The following OR1D5 variants were observed in gnomAD, a reference collection of about 807,000 sequenced individuals.
OR1D5 encodes the protein olfactory receptor family 1 subfamily D member 5, also known as olfactory receptor 1D5.
For synonymous variants in OR1D5, 56 were observed against 159.1 expected (o/e 0.35, Z 4.88); for missense variants, 159 against 381.5 (o/e 0.42, Z 4.86).
rs553984794 is a variant in OR1D5 at position 3,062,801 on chromosome 17, C to A, written c.807G>T (p.Lys269Asn). The A allele has an allele frequency of 2.7e-5, 44 of 1,614,070 alleles. No homozygotes were observed. The South Asian group carries it at 3.8e-4, about 14-fold the overall frequency. The change falls in exon 1 of 1, where the codon AAG becomes AAT. Residue 269 changes from lysine to asparagine, a missense_variant. Coordinates refer to ENST00000575751, the MANE Select transcript of OR1D5 (RefSeq NM_014566.1). ...CATACATCACTGTGGCTACTGAGTC[C>A]TTCATGGAGTAGGTATGGAGGGGCT... The part of the protein sequence containing the change: ...YLQPLHTYSM[K>N]DSVATVMYAV...
chr17:3,063,171 G>A lies in OR1D5; in HGVS notation c.437C>T (p.Ser146Phe). Residue 146 changes from serine to phenylalanine, a missense_variant, in exon 1 of 1, where the codon TCC becomes TTC. Ser to Phe is a radical substitution (Grantham distance 155, BLOSUM62 -2). Transcript: ENST00000575751. The stretch of plus-strand genomic sequence containing the variant: ...GAGAACAGACAGCCCCCAACACAAG[G>A]AGAGGAGCAAGACACAGAGCCCAGG... Reference protein sequence around the residue: ...MSPGLCVLLLSLCWGLSVLYG... With the variant: ...MSPGLCVLLLFLCWGLSVLYG... 2 of 1,612,306 alleles carry A rather than the reference G, an allele frequency of 1.2e-6. No individual in the cohort carries two copies. The highest frequency in any genetic ancestry group is 1.7e-6 in the Non-Finnish European group (2 of 1,179,306).
chr17:3,063,100 C>A lies in OR1D5; in HGVS notation c.508G>T (p.Gly170Trp), dbSNP rs369133653. 3.1e-6 allele frequency: 5 copies of A among 1,613,364 alleles called. No individual in the cohort carries two copies. The highest frequency in any genetic ancestry group is 4.2e-6 in the Non-Finnish European group (5 of 1,179,750). ...TFLLTRVTFC[G>W]PREIHYLFCD... ...AAGAGGTAGTGGATCTCTCGAGGCC[C>A]ACAGAAGGTCACCCTGGTCAGGAGG... The change falls in exon 1 of 1, where the codon GGG becomes TGG. Residue 170 changes from glycine to tryptophan, a missense_variant. Coordinates refer to ENST00000575751, the MANE Select transcript of OR1D5 (RefSeq NM_014566.1).
Position 3,063,266 on chromosome 17 carries a change from G to A in OR1D5, c.342C>T (p.Ile114=), listed in dbSNP as rs1201934814. The part of the protein sequence containing the change: ...LVSLVTLDNL[I]LAVMAYDRYV... ...AGCGATCATACGCCATCACGGCCAG[G>A]ATGAGGTTGTCCAGGGTCACCAAGG... is the stretch of plus-strand genomic sequence containing the variant. The change falls in exon 1 of 1, where the codon ATC becomes ATT. Residue 114 remains isoleucine, a synonymous_variant. Transcript: ENST00000575751. The A allele has an allele frequency of 1.9e-6, 3 of 1,612,836 alleles. No individual in the cohort carries two copies. The highest frequency in any genetic ancestry group is 3.3e-5 in the Admixed American group (2 of 59,984).
chr17:3,063,275 G>T lies in OR1D5; in HGVS notation c.333C>A (p.Asp111Glu), dbSNP rs778225583. 13 of 1,612,546 alleles carry T rather than the reference G, an allele frequency of 8.1e-6. No individual in the cohort carries two copies. Among genetic ancestry groups the T allele is most frequent in the Non-Finnish European group, 4.2e-6 (5 of 1,179,856 alleles). ...LYFLVSLVTL[D>E]NLILAVMAYD... ...ACGCCATCACGGCCAGGATGAGGTT[G>T]TCCAGGGTCACCAAGGAGACCAGGA... is the stretch of plus-strand genomic sequence containing the variant. Residue 111 changes from aspartate (D) to glutamate (E), a missense_variant, in exon 1 of 1, where the codon GAC becomes GAA. By Grantham distance (45) the Asp-to-Glu change is conservative (BLOSUM62 2). Coordinates refer to ENST00000575751, the MANE Select transcript of OR1D5 (RefSeq NM_014566.1).
chr17:3,062,967 A>G lies in OR1D5; in HGVS notation c.641T>C (p.Met214Thr), dbSNP rs552844066. 2.7e-5 allele frequency: 43 copies of G among 1,613,948 alleles called. No individual in the cohort carries two copies. Among genetic ancestry groups the G allele is most frequent in the Non-Finnish European group, 3.6e-5 (42 of 1,179,822 alleles). The change falls in exon 1 of 1, where the codon ATG (methionine) becomes ACG (threonine). Residue 214 changes from methionine (M) to threonine (T), a missense_variant. Coordinates refer to ENST00000575751, the MANE Select transcript of OR1D5 (RefSeq NM_014566.1). ...CFIFLTPLGFMTTSYVRIVRT... is the reference protein window; with the variant it reads ...CFIFLTPLGFTTTSYVRIVRT... The stretch of plus-strand genomic sequence containing the variant: ...GACAATACGTACATAGGATGTGGTC[A>G]TGAACCCTAAGGGGGTGAGGAAGAT...
At position 3,063,567 on chromosome 17, in the gene OR1D5, A is replaced by G. The variant is rs2047678030; in HGVS notation, c.41T>C (p.Leu14Pro). 8.2e-7 allele frequency: 1 copy of G among 1,226,012 alleles called. No homozygotes were observed. Among genetic ancestry groups the G allele is most frequent in the Non-Finnish European group, 1.1e-6 (1 of 888,454 alleles). The allele number at this position is 1,226,012 out of a possible 1,614,324, so 75.9% of individuals were successfully genotyped here. A position where few individuals can be genotyped will look rare whatever the true frequency, so the allele number is the denominator to read the frequency against. Residue 14 changes from leucine (L) to proline (P), a missense_variant, in exon 1 of 1, where the codon CTC becomes CCC. By Grantham distance (98) the Leu-to-Pro change is moderately conservative. Transcript: ENST00000575751. ...CTCAGGACTCTCTGAGATCCCCAGG[A>G]GAAGGAACTGTGAGTTCTCACTCTG... ...DNQSENSQFL[L>P]LGISESPEQQ...
rs776119243 is a variant in OR1D5, at chr17:3,062,978, G to T, written c.630C>A (p.Pro210=). Residue 210 remains proline, a synonymous_variant, in exon 1 of 1, where the codon CCC becomes CCA. Transcript: ENST00000575751. ...CATAGGATGTGGTCATGAACCCTAA[G>T]GGGGTGAGGAAGATGAAGCAGCCAG... ...IATGCFIFLT[P]LGFMTTSYVR... The T allele has an allele frequency of 1.2e-6, 2 of 1,613,938 alleles. No homozygotes were observed. Among genetic ancestry groups the T allele is most frequent in the Non-Finnish European group, 1.7e-6 (2 of 1,179,818 alleles).
At position 3,063,530 on chromosome 17, in the gene OR1D5, G is replaced by C. The variant is rs772332144; in HGVS notation, c.78C>G (p.Ile26Met). 24 of 1,223,942 alleles carry C rather than the reference G, an allele frequency of 2.0e-5. 3 individuals carry two copies. The African/African-American group carries it at 3.0e-4, about 15-fold the overall frequency. 75.8% of individuals were successfully genotyped at this position (1,223,942 alleles called of 1,614,324 possible). The change falls in exon 1 of 1, where the codon ATC (isoleucine) becomes ATG (methionine). Residue 26 changes from isoleucine (I) to methionine (M), a missense_variant. Transcript: ENST00000575751. The part of the protein sequence containing the change: ...GISESPEQQR[I>M]LFWMFLSMYL... ...ACATGGACAGGAACATCCAAAACAG[G>C]ATCCGCTGCTGCTCAGGACTCTCTG...
Position 3,063,506 on chromosome 17 carries a change from C to G in OR1D5, c.102G>C (p.Met34Ile), listed in dbSNP as rs1282767942. The part of the protein sequence containing the change: ...QRILFWMFLS[M>I]YLVTVLGNVL... ...CATTTCCCAGCACCGTGACCAGGTA[C>G]ATGGACAGGAACATCCAAAACAGGA... is the stretch of plus-strand genomic sequence containing the variant. Residue 34 changes from methionine (M) to isoleucine (I), a missense_variant, in exon 1 of 1, where the codon ATG (methionine) becomes ATC (isoleucine). By Grantham distance (10) the Met-to-Ile change is conservative. Transcript: ENST00000575751. The G allele has an allele frequency of 7.8e-7, 1 of 1,281,986 alleles. No homozygotes were observed. Among genetic ancestry groups the G allele is most frequent in the African/African-American group, 1.6e-5 (1 of 61,048 alleles). 79.4% of individuals were successfully genotyped at this position (1,281,986 alleles called of 1,614,324 possible). A position where few individuals can be genotyped will look rare whatever the true frequency, so the allele number is the denominator to read the frequency against.
chr17:3,063,108 G>T lies in OR1D5; in HGVS notation c.500C>A (p.Thr167Asn), dbSNP rs1467814553. ...GTGGATCTCTCGAGGCCCACAGAAG[G>T]TCACCCTGGTCAGGAGGAAGGTGAG... ...LLLTFLLTRV[T>N]FCGPREIHYL... Residue 167 changes from threonine to asparagine, a missense_variant, in exon 1 of 1, where the codon ACC becomes AAC. Physicochemically the swap from Thr to Asn is moderately conservative, Grantham distance 65 (BLOSUM62 0). Transcript: ENST00000575751. 1.4e-5 allele frequency: 23 copies of T among 1,613,320 alleles called. No individual in the cohort carries two copies. In the South Asian group the frequency reaches 2.4e-4, roughly 17 times the overall value.
Position 3,063,602 on chromosome 17 carries a change from A to T in OR1D5, c.6T>A (p.Asp2Glu), listed in dbSNP as rs1410020111. Residue 2 changes from aspartate (D) to glutamate (E), a missense_variant, in exon 1 of 1, where the codon GAT becomes GAA. Physicochemically the swap from Asp to Glu is conservative, Grantham distance 45. Coordinates refer to ENST00000575751, the MANE Select transcript of OR1D5 (RefSeq NM_014566.1). ...GTGAGTTCTCACTCTGGTTATCTCC[A>T]TCCATTCCCCCAACTTTCTGTAACA... MDGDNQSENSQF... is the reference protein window; with the variant it reads MEGDNQSENSQF... 2 of 1,015,922 alleles carry T rather than the reference A, an allele frequency of 2.0e-6. No homozygotes were observed. Among genetic ancestry groups the T allele is most frequent in the Non-Finnish European group, 2.9e-6 (2 of 696,006 alleles). 62.9% of individuals were successfully genotyped at this position (1,015,922 alleles called of 1,614,324 possible).
rs575172366 is a variant in OR1D5 at position 3,063,081 on chromosome 17, T to C, written c.527A>G (p.Tyr176Cys). Residue 176 changes from tyrosine to cysteine, a missense_variant, in exon 1 of 1, where the codon TAC becomes TGC. By Grantham distance (194) the Tyr-to-Cys change is radical (BLOSUM62 -2). Transcript: ENST00000575751. The stretch of plus-strand genomic sequence containing the variant: ...CAGGATGTACATGTCACAGAAGAGG[T>C]AGTGGATCTCTCGAGGCCCACAGAA... Reference protein sequence around the residue: ...VTFCGPREIHYLFCDMYILLW... With the variant: ...VTFCGPREIHCLFCDMYILLW... The C allele has an allele frequency of 1.9e-6, 3 of 1,613,566 alleles. No homozygotes were observed. The South Asian group carries it at 3.3e-5, about 18-fold the overall frequency.
Position 3,063,433 on chromosome 17 carries a change from TG to T in OR1D5, c.174del (p.Met59CysfsTer25), listed in dbSNP as rs750587206. ...GAGAGGTTGGCCAGGAAGAAGTACA[TG>T]GGGGTGTGCAGGTGGGAATCAGAGC... is the stretch of plus-strand genomic sequence containing the variant. ...AISSDSHLHTPMYFFLANLSF... is the reference protein window; with the variant it reads ...AISSDSHLHTXMYFFLANLSF... On this transcript the variant is annotated frameshift_variant, in exon 1 of 1. Coordinates refer to ENST00000575751, the MANE Select transcript of OR1D5 (RefSeq NM_014566.1). LOFTEE classifies it low-confidence loss of function (END_TRUNC). 7.0e-7 allele frequency: 1 copy of T among 1,422,696 alleles called. No individual in the cohort carries two copies. The highest frequency in any genetic ancestry group is 1.5e-5 in the African/African-American group (1 of 67,514). The allele number at this position is 1,422,696 out of a possible 1,614,324, so 88.1% of individuals were successfully genotyped here.
Position 3,062,879 on chromosome 17 carries a change from G to T in OR1D5, c.729C>A (p.Ser243=), listed in dbSNP as rs2676565. The stretch of plus-strand genomic sequence containing the variant: ...AAAAGAGGGAGACCACACCCAAATG[G>T]GAGGCACAGGTAGAGAAGGTTTTGT... ...KKYKTFSTCA[S]HLGVVSLFYG... The change falls in exon 1 of 1, where the codon TCC becomes TCA. Residue 243 remains serine, a synonymous_variant. Coordinates refer to ENST00000575751, the MANE Select transcript of OR1D5 (RefSeq NM_014566.1). 1,689 of 1,613,650 alleles carry T rather than the reference G, an allele frequency of 1.0e-3. 21 individuals carry two copies. The African/African-American group carries it at 0.019, about 18-fold the overall frequency.
rs1400848882 is a variant in OR1D5, at chr17:3,063,106, A to T, written c.502T>A (p.Phe168Ile). 6.2e-7 allele frequency: 1 copy of T among 1,613,596 alleles called. No homozygotes were observed. Among genetic ancestry groups the T allele is most frequent in the South Asian group, 1.1e-5 (1 of 91,002 alleles). The change falls in exon 1 of 1, where the codon TTC becomes ATC. Residue 168 changes from phenylalanine (F) to isoleucine (I), a missense_variant. Transcript: ENST00000575751. ...LLTFLLTRVT[F>I]CGPREIHYLF... is the part of the protein sequence containing the mutation. ...TAGTGGATCTCTCGAGGCCCACAGA[A>T]GGTCACCCTGGTCAGGAGGAAGGTG... is the stretch of plus-strand genomic sequence containing the variant.
In OR1D5 at chr17:3,062,933, G is replaced by A. The variant is rs373750613; in HGVS notation, c.675C>T (p.Ile225=). ...TCTTAGAGGCCGAGGGCATTTGAAG[G>A]ATGGTTCTGACAATACGTACATAGG... ...TTSYVRIVRT[I]LQMPSASKKY... Residue 225 remains isoleucine (I), a synonymous_variant, in exon 1 of 1, where the codon ATC becomes ATT. Coordinates refer to ENST00000575751, the MANE Select transcript of OR1D5 (RefSeq NM_014566.1). 2.7e-4 allele frequency: 434 copies of A among 1,614,046 alleles called. No homozygotes were observed. The African/African-American group carries it at 4.9e-3, about 18-fold the overall frequency.
rs756648495 is a variant in OR1D5 at position 3,063,272 on chromosome 17, G to T, written c.336C>A (p.Asn112Lys). The T allele has an allele frequency of 4.3e-6, 7 of 1,612,618 alleles. No homozygotes were observed. In the East Asian group the frequency reaches 1.3e-4, roughly 31 times the overall value. Reference protein sequence around the residue: ...YFLVSLVTLDNLILAVMAYDR... With the variant: ...YFLVSLVTLDKLILAVMAYDR... The stretch of plus-strand genomic sequence containing the variant: ...CATACGCCATCACGGCCAGGATGAG[G>T]TTGTCCAGGGTCACCAAGGAGACCA... Residue 112 changes from asparagine (N) to lysine (K), a missense_variant, in exon 1 of 1, where the codon AAC becomes AAA. Asn to Lys is a moderately conservative substitution (Grantham distance 94, BLOSUM62 0). Coordinates refer to ENST00000575751, the MANE Select transcript of OR1D5 (RefSeq NM_014566.1).
chr17:3,063,329 G>A lies in OR1D5; in HGVS notation c.279C>T (p.Ser93=), dbSNP rs1161633376. 4 of 1,600,678 alleles carry A rather than the reference G, an allele frequency of 2.5e-6. No homozygotes were observed. In the Admixed American group the frequency reaches 6.7e-5, roughly 27 times the overall value. ...VNFQSQNKAI[S]YAGCLTQLYF... ...AGAGCTGTGTCAGACACCCTGCATA[G>A]GAGATGGCTTTGTTCTGGGACTGGA... Residue 93 remains serine, a synonymous_variant, in exon 1 of 1, where the codon TCC becomes TCT. Transcript: ENST00000575751.
At position 3,063,251 on chromosome 17, in the gene OR1D5, C is replaced by T. The variant is rs199909292; in HGVS notation, c.357G>A (p.Ala119=). 0.024 allele frequency: 38,616 copies of T among 1,599,216 alleles called. 934 individuals are homozygous for T. The highest frequency in any genetic ancestry group is 0.094 in the Admixed American group (5,576 of 59,466). ...TLDNLILAVM[A]YDRYVATCCP... ...AGCAGGTGGCCACATAGCGATCATA[C>T]GCCATCACGGCCAGGATGAGGTTGT... Residue 119 remains alanine (A), a synonymous_variant, in exon 1 of 1, where the codon GCG becomes GCA. Transcript: ENST00000575751.
Sources: gnomAD v4.1 joint callset for allele counts on GRCh38, gnomAD v4.1.1 for gene constraint, MANE v1.5 for transcripts, NCBI Gene and HGNC (gene_info 2026-07-23, HGNC 2026-07-21) for gene names.